Variants in RAP1A observed in about 807,000 individuals in gnomAD.
The protein encoded by RAP1A is ras-related protein Rap-1A.
A neutral mutation model predicts 26.4 loss-of-function variants in RAP1A; 6 were observed. The observed-to-expected ratio is 0.23, with a 90% confidence interval of 0.12 to 0.45. The LOEUF is 0.45. Ranked by LOEUF, RAP1A falls within the 20% of genes least tolerant of loss-of-function variation. RAP1A has a pLI of 0.99. For missense variants in RAP1A, 121 were observed against 217.2 expected (o/e 0.56, Z 2.78); for synonymous variants, 73 against 79.4 (o/e 0.92, Z 0.43).
At chr1:111,632,686 G>C (rs942638440) in intron 1 of RAP1A, among the ~76,000 whole-genome samples, 1 of 152,078 alleles carries the variant, frequency 6.6e-6, no homozygotes, top group African/African-American at 2.4e-5. Context: ...GTCGAGGCGG[G>C]CGGATCACCT....
intron 1 of RAP1A, among the ~76,000 whole-genome samples, chr1:111,586,666 C>T (rs183650697): frequency 6.6e-6 from 1 of 152,128 alleles, no homozygotes; most frequent in Non-Finnish European, 1.5e-5. Context: ...TTCTTCACCT[C>T]CAGTGAGAGA....
rs1346725083 is a variant in RAP1A, at chr1:111,682,141, TG to T, written c.-27-9192del. Among the ~76,000 whole-genome samples the T allele has an allele frequency of 3.3e-5, 5 of 152,114 alleles. No homozygotes were observed. In the South Asian group the frequency reaches 1.0e-3, roughly 32 times the overall value. On this transcript the variant is annotated intron_variant, in intron 1 of 7. Transcript: ENST00000369709. The stretch of plus-strand genomic sequence containing the variant: ...ATAAAATCCTTTACAGACAAGCAAA[TG>T]CTGAGGGATTTTGTCACCACCAGGC...
chr1:111,588,389 C>A (rs1055369761), intron 1 of RAP1A, among the ~76,000 whole-genome samples: 1 of 152,190 alleles, frequency 6.6e-6, no homozygotes, highest in East Asian at 1.9e-4. Context: ...CCAGAATAAT[C>A]TTTCTAAGAT....
At chr1:111,596,954 A>G (rs1347423476) in intron 1 of RAP1A, among the ~76,000 whole-genome samples, 2 of 152,214 alleles carry the variant, frequency 1.3e-5, no homozygotes, top group South Asian at 2.1e-4. Context: ...TGCTTAATAA[A>G]GTTTGTTGAA....
chr1:111,593,466 G>A (rs1294826372), intron 1 of RAP1A, among the ~76,000 whole-genome samples: 1 of 151,912 alleles, frequency 6.6e-6, no homozygotes, highest in African/African-American at 2.4e-5. Context: ...ACCTTATCTT[G>A]AAGTGTAGTG....
At position 111,545,518 on chromosome 1, in the gene RAP1A, T is replaced by C. The variant is rs559258804; in HGVS notation, c.-28+3009T>C. 9.9e-5 allele frequency among the ~76,000 whole-genome samples: 15 copies of C among 152,262 alleles called. No individual in the cohort carries two copies. The East Asian group carries it at 2.9e-3, about 29-fold the overall frequency. ...TTAAGGGTTCTTTATGTATTCTGGC[T>C]ACTAGACTATTATCAGATATATGAT... On this transcript the variant is annotated intron_variant, in intron 1 of 7. Coordinates refer to the RAP1A transcript ENST00000356415.
intron 1 of RAP1A, among the ~76,000 whole-genome samples, chr1:111,656,267 A>G (rs1660455862): frequency 6.6e-6 from 1 of 152,166 alleles, no homozygotes; most frequent in Non-Finnish European, 1.5e-5. Flanking sequence ...AAGACTCAGA[A>G]TTGCAACACC....
chr1:111,670,999 A>G (rs1431726013), intron 1 of RAP1A, among the ~76,000 whole-genome samples: 7 of 152,248 alleles, frequency 4.6e-5, no homozygotes. Flanking sequence ...ACTCTGCTTC[A>G]GTTATACTTT....
chr1:111,554,949 G>C (rs1571462907), intron 1 of RAP1A, among the ~76,000 whole-genome samples: 1 of 152,046 alleles, frequency 6.6e-6, no homozygotes, highest in Non-Finnish European at 1.5e-5. Flanking sequence ...TAAGGAAAAA[G>C]TGACCTACCG....
At chr1:111,620,381 C>G (rs951622646) in intron 1 of RAP1A, among the ~76,000 whole-genome samples, 1 of 152,212 alleles carries the variant, frequency 6.6e-6, no homozygotes, top group African/African-American at 2.4e-5. Context: ...TCTTGCATGT[C>G]CCCTGTCTAG....
At chr1:111,603,645 G>A (rs552294661) in intron 1 of RAP1A, among the ~76,000 whole-genome samples, 273 of 152,020 alleles carry the variant, frequency 1.8e-3, no homozygotes, top group Non-Finnish European at 2.4e-3. Flanking sequence ...TCCCAAGTTC[G>A]GGGCATGACC....
At chr1:111,592,622 T>A (rs1658490589) in intron 1 of RAP1A, among the ~76,000 whole-genome samples, 1 of 152,210 alleles carries the variant, frequency 6.6e-6, no homozygotes, top group Non-Finnish European at 1.5e-5. Context: ...ACGATTCTTT[T>A]GGATTCCTGA....
At chr1:111,562,491 G>A (rs2101049204) in intron 1 of RAP1A, among the ~76,000 whole-genome samples, 1 of 152,262 alleles carries the variant, frequency 6.6e-6, no homozygotes, top group South Asian at 2.1e-4. Context: ...CAGATTTCCT[G>A]AACAAAAATC....
At chr1:111,689,796 A>G (rs1186863171) in intron 1 of RAP1A, among the ~76,000 whole-genome samples, 2 of 152,112 alleles carry the variant, frequency 1.3e-5, no homozygotes, top group African/African-American at 4.8e-5. Context: ...CAGCCTCCCA[A>G]GTAGCTGGGA....
intron 1 of RAP1A, among the ~76,000 whole-genome samples, chr1:111,586,499 C>A (rs1658366667): frequency 6.6e-6 from 1 of 152,160 alleles, no homozygotes; most frequent in African/African-American, 2.4e-5. Context: ...GGGAGGATTG[C>A]TTGAGCCCAG....
intron 1 of RAP1A, among the ~76,000 whole-genome samples, chr1:111,651,461 G>GAT (rs1185150536): frequency 2.0e-5 from 3 of 147,550 alleles, no homozygotes; most frequent in African/African-American, 4.9e-5. Context: ...GCCTATGGGA[G>GAT]ATATATATAT....
intron 1 of RAP1A, among the ~76,000 whole-genome samples, chr1:111,629,302 G>A (rs1659497641): frequency 6.6e-6 from 1 of 152,084 alleles, no homozygotes; most frequent in Non-Finnish European, 1.5e-5. Flanking sequence ...AAGAGAGTTT[G>A]CAGATGCCAT....
At chr1:111,654,749 A>G (rs1246278520) in intron 1 of RAP1A, among the ~76,000 whole-genome samples, 1 of 151,170 alleles carries the variant, frequency 6.6e-6, no homozygotes, top group Non-Finnish European at 1.5e-5. Flanking sequence ...TGGTAGAGCC[A>G]GTGATTAAAT....
intron 1 of RAP1A, among the ~76,000 whole-genome samples, chr1:111,545,720 C>T (rs1657011554): frequency 6.6e-6 from 1 of 152,150 alleles, no homozygotes; most frequent in South Asian, 2.1e-4. Context: ...CAGAGATTTA[C>T]ACCTGTTTCC....
Sources: gnomAD v4.1 joint callset for allele counts (sites outside exome capture counted in the v4.1 genomes callset) on GRCh38, gnomAD v4.1.1 for gene constraint, MANE v1.5 for transcripts, NCBI Gene and HGNC (gene_info 2026-07-23, HGNC 2026-07-21) for gene names.